SLC10A6: variants seen among roughly 807,000 people sequenced by gnomAD.
SLC10A6 encodes sodium-dependent organic anion transporter.
In SLC10A6, 27 loss-of-function variants were observed where a neutral mutation model predicts 30.0. The observed-to-expected ratio is 0.90, with a 90% confidence interval of 0.66 to 1.24. SLC10A6 has a LOEUF of 1.24. Ranked by LOEUF, SLC10A6 falls within the 50% of genes most tolerant of loss-of-function variation. SLC10A6 has a pLI of 0.00. For synonymous variants in SLC10A6, 166 were observed against 173.8 expected, an observed-to-expected ratio of 0.95 and a Z score of 0.36; for missense variants, 439 against 457.0, an observed-to-expected ratio of 0.96 and a Z score of 0.36.
intron 1 of SLC10A6, among the ~76,000 whole-genome samples, chr4:86,837,347 C>CAGGCAGGCAGGA (rs1746219930): frequency 9.2e-6 from 1 of 108,544 alleles, no homozygotes; most frequent in East Asian, 3.0e-4. Flanking sequence ...GGAAGGAAGG[C>CAGGCAGGCAGGA]AGGCAGGCAG....
intron 3 of SLC10A6, among the ~76,000 whole-genome samples, chr4:86,828,708 T>C (rs7670277): frequency 0.06 from 9,193 of 152,146 alleles, 959 homozygotes; most frequent in African/African-American, 0.21. Flanking sequence ...CTAATACTCA[T>C]GATCACATGA....
chr4:86,823,950 C>T (rs1349201928), intron 5 of SLC10A6, 48 bp from the exon 6 acceptor site: 1 of 1,524,900 alleles, frequency 6.6e-7, no homozygotes, highest in Admixed American at 1.9e-5. Flanking sequence ...AACAAAGAGT[C>T]TAATTTGGTG....
intron 4 of SLC10A6, 119 bp from the exon 5 acceptor site, chr4:86,825,696 C>A (rs1745983317): frequency 9.3e-7 from 1 of 1,080,186 alleles, no homozygotes; most frequent in Non-Finnish European, 1.3e-6. Flanking sequence ...AATGTGTACT[C>A]ATTCCATAGT....
chr4:86,835,745 A>AAG (rs143930076), intron 1 of SLC10A6, among the ~76,000 whole-genome samples: 22,700 of 149,580 alleles, frequency 0.15, 1,823 homozygotes, highest in East Asian at 0.27. Flanking sequence ...GAAAGAAAGA[A>AAG]AGAGAGAGAG....
chr4:86,845,333 G>A (rs927621712), intron 1 of SLC10A6, among the ~76,000 whole-genome samples: 8 of 152,274 alleles, frequency 5.3e-5, no homozygotes, highest in African/African-American at 1.9e-4. Flanking sequence ...AGAGAACTAT[G>A]AGCAGCCCAT....
At position 86,848,902 on chromosome 4, in the gene SLC10A6, G is replaced by A. The variant is rs757315034; in HGVS notation, c.214C>T (p.Leu72=). 1.9e-6 allele frequency: 3 copies of A among 1,614,214 alleles called. No homozygotes were observed. The African/African-American group carries it at 4.0e-5, about 22-fold the overall frequency. ...GGCATGAGCCCAAACTGGCAGAGCA[G>A]TCCCACAGCAATGCCCCAGGGTCTC... is the stretch of plus-strand genomic sequence containing the variant. ...IRRPWGIAVG[L]LCQFGLMPFT... is the part of the protein sequence containing the mutation. The change falls in exon 1 of 6, where the codon CTG becomes TTG. Residue 72 remains leucine, a synonymous_variant. Transcript: ENST00000273905.
At chr4:86,825,326 GC>G in intron 5 of SLC10A6, 93 bp downstream of exon 5, 1 of 1,178,470 alleles carries the variant, frequency 8.5e-7, no homozygotes. Context: ...TATCACAGGG[GC>G]AGCACATGCA....
chr4:86,844,688 G>T (rs1746363474), intron 1 of SLC10A6, among the ~76,000 whole-genome samples: 1 of 152,200 alleles, frequency 6.6e-6, no homozygotes, highest in South Asian at 2.1e-4. Context: ...CAGTTGTCCA[G>T]GTTGAAGCCA....
At chr4:86,846,562 A>T (rs558985948) in intron 1 of SLC10A6, among the ~76,000 whole-genome samples, 5 of 152,184 alleles carry the variant, frequency 3.3e-5, no homozygotes, top group Non-Finnish European at 5.9e-5. Context: ...TCTACTAAAA[A>T]TACAAAAATT....
chr4:86,828,194 A>C (rs771475626), intron 3 of SLC10A6, 26 bp from the exon 4 acceptor site: 2 of 1,598,926 alleles, frequency 1.3e-6, no homozygotes, highest in Non-Finnish European at 8.5e-7. Flanking sequence ...AAATAAGTGA[A>C]TATAAACTCA....
intron 1 of SLC10A6, among the ~76,000 whole-genome samples, chr4:86,838,519 C>T (rs999740945): frequency 6.6e-6 from 1 of 152,204 alleles, no homozygotes; most frequent in East Asian, 1.9e-4. Context: ...TCATATGTCA[C>T]GTATCTCCAG....
chr4:86,837,839 C>T (rs955192023), intron 1 of SLC10A6, among the ~76,000 whole-genome samples: 6 of 152,182 alleles, frequency 3.9e-5, no homozygotes, highest in Middle Eastern at 3.2e-3. Context: ...ATTCTGTGCT[C>T]AAGGCACAAA....
chr4:86,843,703 C>T (rs1162845595), intron 1 of SLC10A6, among the ~76,000 whole-genome samples: 2 of 152,132 alleles, frequency 1.3e-5, no homozygotes, highest in East Asian at 3.9e-4. Flanking sequence ...GTTAGGCATG[C>T]AGCTCCTTGA....
intron 1 of SLC10A6, among the ~76,000 whole-genome samples, chr4:86,836,750 T>G (rs1029355298): frequency 7.2e-5 from 11 of 152,290 alleles, no homozygotes; most frequent in African/African-American, 1.4e-4. Flanking sequence ...GCAGATTTTT[T>G]GGGGTTTTGT....
chr4:86,836,967 A>G (rs936552166), intron 1 of SLC10A6, among the ~76,000 whole-genome samples: 1 of 151,912 alleles, frequency 6.6e-6, no homozygotes, highest in African/African-American at 2.4e-5. Flanking sequence ...CATGTTGGCC[A>G]GGCTGTCTCG....
intron 1 of SLC10A6, among the ~76,000 whole-genome samples, chr4:86,846,069 A>G (rs970842281): frequency 6.6e-6 from 1 of 152,238 alleles, no homozygotes; most frequent in Non-Finnish European, 1.5e-5. Flanking sequence ...GATTTTATCC[A>G]GCATTAACAG....
chr4:86,832,025 T>C, intron 2 of SLC10A6, 145 bp from the exon 3 acceptor site: 2 of 675,202 alleles, frequency 3.0e-6, no homozygotes, highest in East Asian at 2.8e-5. Flanking sequence ...ATGCCTACAA[T>C]ATTGGCTCCA....
intron 4 of SLC10A6, 24 bp downstream of exon 4, chr4:86,827,969 A>C (rs1410868012): frequency 6.3e-7 from 1 of 1,599,042 alleles, no homozygotes; most frequent in East Asian, 2.2e-5. Context: ...TCCTCAAAAA[A>C]GTTTATGGAT....
At chr4:86,842,474 G>T (rs543715401) in intron 1 of SLC10A6, among the ~76,000 whole-genome samples, 1 of 152,312 alleles carries the variant, frequency 6.6e-6, no homozygotes, top group East Asian at 1.9e-4. Context: ...AGGATTGCTT[G>T]AGCCCAGGAG....
Sources: gnomAD v4.1 joint callset for allele counts (sites outside exome capture counted in the v4.1 genomes callset) on GRCh38, gnomAD v4.1.1 for gene constraint, MANE v1.5 for transcripts, NCBI Gene and HGNC (gene_info 2026-07-23, HGNC 2026-07-21) for gene names.